USH2A: variants seen among roughly 807,000 people sequenced by gnomAD.
USH2A encodes usherin, also known as Usher syndrome 2A (autosomal recessive, mild).
Under a neutral mutation model 538.9 loss-of-function variants are expected in USH2A, and 443 were observed. The ratio of observed to expected loss-of-function variants is 0.82; its 90% CI spans 0.76 to 0.89. The LOEUF (loss-of-function observed/expected upper bound fraction) is 0.89, where lower values mean the gene tolerates loss of function less well. Ranked by LOEUF, USH2A falls within the 40% of genes least tolerant of loss-of-function variation. The probability of loss-of-function intolerance (pLI) is 0.00; values close to 1 mark genes in which losing one functional copy is unlikely to be tolerated. For synonymous variants in USH2A, 2,413 were observed against 2,273.5 expected, an observed-to-expected ratio of 1.06 and a Z score of -1.75; for missense variants, 6,633 against 6,324.8, an observed-to-expected ratio of 1.05 and a Z score of -1.65.
At chr1:216,416,462 AT>A (rs2102780879) in intron 3 of USH2A, among the ~76,000 whole-genome samples, 1 of 152,306 alleles carries the variant, frequency 6.6e-6, no homozygotes, top group East Asian at 1.9e-4. Flanking sequence ...AAAAAAATAA[AT>A]AAAAGAGTGT....
chr1:215,996,348 C>G (rs546855499), intron 34 of USH2A, among the ~76,000 whole-genome samples: 1 of 152,248 alleles, frequency 6.6e-6, no homozygotes, highest in South Asian at 2.1e-4. Flanking sequence ...GAAGCCACTT[C>G]CAGGAATCTT....
intron 35 of USH2A, among the ~76,000 whole-genome samples, chr1:215,974,666 A>C (rs1667580615): frequency 6.6e-6 from 1 of 152,102 alleles, no homozygotes; most frequent in Non-Finnish European, 1.5e-5. Flanking sequence ...AAAAGACATG[A>C]TTTCAGGGTT....
At chr1:215,814,179 ATTT>A in intron 48 of USH2A, among the ~76,000 whole-genome samples, 1 of 145,766 alleles carries the variant, frequency 6.9e-6, no homozygotes, top group African/African-American at 2.5e-5. Context: ...TAAAATTTTA[ATTT>A]TATATCTTTT....
chr1:215,879,197 C>T, intron 41 of USH2A, 99 bp from the exon 42 acceptor site: 1 of 1,052,872 alleles, frequency 9.5e-7, no homozygotes, highest in Non-Finnish European at 1.5e-6. Flanking sequence ...TCAGTTAAGT[C>T]ATTTTCTAAA....
At chr1:215,645,056 G>A (rs941473013) in intron 67 of USH2A, among the ~76,000 whole-genome samples, 11 of 152,168 alleles carry the variant, frequency 7.2e-5, no homozygotes, top group African/African-American at 2.4e-4. Context: ...ACAGCAATGG[G>A]GTATATGCAG....
intron 58 of USH2A, among the ~76,000 whole-genome samples, chr1:215,752,329 C>G (rs1172180165): frequency 6.6e-6 from 1 of 152,094 alleles, no homozygotes; most frequent in Admixed American, 6.6e-5. Context: ...TCAAATGATA[C>G]ACAAAAGGCT....
Position 215,800,811 on chromosome 1 carries a change from C to T in USH2A, c.9740-1686G>A, listed in dbSNP as rs144101610. On this transcript the variant is annotated intron_variant, in intron 49 of 71. Coordinates refer to ENST00000307340, the MANE Select transcript of USH2A (RefSeq NM_206933.4). The stretch of plus-strand genomic sequence containing the variant: ...TGAGCAAATTACTAGAAACATACAA[C>T]TTACCAAAGAAACCACAAGAAAAAA... Among the ~76,000 whole-genome samples, 589 of 152,124 alleles carry T rather than the reference C, an allele frequency of 3.9e-3. 5 individuals are homozygous for T. Among genetic ancestry groups the T allele is most frequent in the Middle Eastern group, 0.014 (4 of 294 alleles).
intron 4 of USH2A, among the ~76,000 whole-genome samples, chr1:216,335,114 C>T (rs984381197): frequency 1.3e-5 from 2 of 151,278 alleles, no homozygotes; most frequent in African/African-American, 4.8e-5. Flanking sequence ...TCTTGGATCA[C>T]AATAGAAAAA....
chr1:216,088,921 G>T, intron 23 of USH2A, 92 bp downstream of exon 23: 2 of 1,563,028 alleles, frequency 1.3e-6, no homozygotes, highest in Non-Finnish European at 1.8e-6. Context: ...AGAAATTATG[G>T]TGAAATAAGA....
At chr1:216,080,998 TA>T (rs1370960042) in intron 26 of USH2A, among the ~76,000 whole-genome samples, 1 of 152,024 alleles carries the variant, frequency 6.6e-6, no homozygotes, top group Non-Finnish European at 1.5e-5. Context: ...ATCTAAAATA[TA>T]TTAGAAAATC....
At chr1:215,707,911 T>C (rs1247049924) in intron 61 of USH2A, among the ~76,000 whole-genome samples, 4 of 152,190 alleles carry the variant, frequency 2.6e-5, no homozygotes, top group Non-Finnish European at 5.9e-5. Context: ...GCTTTAAATA[T>C]CAATATATAG....
chr1:215,717,144 C>T (rs977816326), intron 61 of USH2A, among the ~76,000 whole-genome samples: 2 of 152,098 alleles, frequency 1.3e-5, no homozygotes, highest in East Asian at 1.9e-4. Flanking sequence ...CCATTAACTG[C>T]TTGGTAAAAC....
At chr1:216,261,485 T>C (rs2036370960) in intron 11 of USH2A, among the ~76,000 whole-genome samples, 1 of 142,196 alleles carries the variant, frequency 7.0e-6, no homozygotes, top group Non-Finnish European at 1.5e-5. Context: ...AAATCTCAAC[T>C]AAAAGATTAG....
intron 70 of USH2A, among the ~76,000 whole-genome samples, chr1:215,631,283 C>T (rs1406310779): frequency 3.3e-5 from 5 of 151,432 alleles, no homozygotes; most frequent in Admixed American, 6.6e-5. Context: ...CATTGACCTA[C>T]TCAAGTGAAA....
In USH2A at chr1:216,190,270, A is replaced by G. The variant is rs886045951; in HGVS notation, c.4349T>C (p.Val1450Ala). 6.2e-6 allele frequency: 10 copies of G among 1,612,628 alleles called. No homozygotes were observed. Among genetic ancestry groups the G allele is most frequent in the Non-Finnish European group, 5.1e-6 (6 of 1,179,132 alleles). ...YEFTITLCNSVGCVTSASGAG... is the reference protein window; with the variant it reads ...YEFTITLCNSAGCVTSASGAG... Reference sequence around the variant, plus strand: ...TCCCGAAGCACTGGTCACACAACCAACTGAATTGCAGAGAGTAATAGTAAA... The same window carrying G: ...TCCCGAAGCACTGGTCACACAACCAGCTGAATTGCAGAGAGTAATAGTAAA... Residue 1450 changes from valine to alanine, a missense_variant, in exon 20 of 72, where the codon GTT becomes GCT. Transcript: ENST00000307340.
At chr1:216,276,694 T>C (rs1172668695) in intron 11 of USH2A, among the ~76,000 whole-genome samples, 2 of 152,132 alleles carry the variant, frequency 1.3e-5, no homozygotes, top group African/African-American at 2.4e-5. Flanking sequence ...CTCACAATCA[T>C]GGCAGAAGGC....
At chr1:215,728,457 C>T (rs1405247923) in intron 60 of USH2A, 73 bp from the exon 61 acceptor site, 3 of 1,433,426 alleles carry the variant, frequency 2.1e-6, no homozygotes, top group Non-Finnish European at 2.9e-6. Flanking sequence ...GGAGTAAAAA[C>T]ATTTTTTTTA....
At position 216,092,231 on chromosome 1, in the gene USH2A, G is replaced by T. The variant is rs553878794; in HGVS notation, c.4759-3092C>A. ...GGGCATCTACTATGTTCCAAAGACT[G>T]TTCTAAGTCCTGAGGAAGTACCTGT... On this transcript the variant is annotated intron_variant, in intron 22 of 71. Coordinates refer to ENST00000307340, the MANE Select transcript of USH2A (RefSeq NM_206933.4). Among the ~76,000 whole-genome samples, 73 of 152,226 alleles carry T rather than the reference G, an allele frequency of 4.8e-4. 1 individual carries two copies. Among genetic ancestry groups the T allele is most frequent in the Non-Finnish European group, 2.9e-4 (20 of 68,016 alleles).
chr1:216,315,662 C>A (rs2102643090), intron 9 of USH2A, among the ~76,000 whole-genome samples: 1 of 152,202 alleles, frequency 6.6e-6, no homozygotes, highest in East Asian at 1.9e-4. Flanking sequence ...TACCATGGGA[C>A]AAATTGGTAG....
Sources: gnomAD v4.1 joint callset for allele counts (sites outside exome capture counted in the v4.1 genomes callset) on GRCh38, gnomAD v4.1.1 for gene constraint, MANE v1.5 for transcripts, NCBI Gene and HGNC (gene_info 2026-07-23, HGNC 2026-07-21) for gene names.